The following WDFY2 variants were observed in gnomAD, a reference collection of about 807,000 sequenced individuals.
The protein encoded by WDFY2 is WD repeat and FYVE domain containing 2, also known as WD repeat and FYVE domain-containing protein 2.
A neutral mutation model predicts 56.4 loss-of-function variants in WDFY2; 36 were observed. The ratio of observed to expected loss-of-function variants is 0.64; its 90% CI spans 0.49 to 0.84. The LOEUF is 0.84. WDFY2 is among the 40% of genes least tolerant of loss of function. The probability of loss-of-function intolerance (pLI) is 0.00; values close to 1 mark genes in which losing one functional copy is unlikely to be tolerated. For synonymous variants in WDFY2, 176 were observed against 183.7 expected (o/e 0.96, Z 0.34); for missense variants, 444 against 512.2 (o/e 0.87, Z 1.29).
chr13:51,700,106 GTA>G (rs1165594299), intron 3 of WDFY2, among the ~76,000 whole-genome samples: 2 of 152,134 alleles, frequency 1.3e-5, no homozygotes, highest in Non-Finnish European at 2.9e-5. Flanking sequence ...AACAAAAAAA[GTA>G]TATATGTTCA....
intron 5 of WDFY2, among the ~76,000 whole-genome samples, chr13:51,720,241 TTGAAAC>T (rs1255315728): frequency 6.6e-6 from 1 of 152,240 alleles, no homozygotes; most frequent in Non-Finnish European, 1.5e-5. Context: ...TGCAGTTTCT[TTGAAAC>T]TGTGCGGCAT....
chr13:51,674,124 C>G (rs577427283), intron 2 of WDFY2, among the ~76,000 whole-genome samples: 2 of 152,210 alleles, frequency 1.3e-5, no homozygotes, highest in Admixed American at 6.5e-5. Flanking sequence ...TGAACCTTCT[C>G]CAGTGTTTCC....
intron 3 of WDFY2, among the ~76,000 whole-genome samples, chr13:51,681,536 C>T (rs886976667): frequency 6.6e-6 from 1 of 152,106 alleles, no homozygotes; most frequent in Non-Finnish European, 1.5e-5. Flanking sequence ...TGGTTTCTAC[C>T]ATAGAAGACC....
At position 51,766,549 on chromosome 13, in the gene WDFY2, C is replaced by T. The variant is rs1297514041; in HGVS notation, c.*6780C>T. The stretch of plus-strand genomic sequence containing the variant: ...ACCCCTCCGGCATTTGCCACACTCC[C>T]TGCCAGTCCTGACATTGACTTCCTG... On this transcript the variant is annotated 3_prime_UTR_variant, in exon 12 of 12. Coordinates refer to ENST00000298125, the MANE Select transcript of WDFY2 (RefSeq NM_052950.4). 1 of 152,256 alleles carries T rather than the reference C, an allele frequency of 6.6e-6. No individual in the cohort carries two copies. The highest frequency in any genetic ancestry group is 1.5e-5 in the Non-Finnish European group (1 of 68,070). The allele number at this position is 152,256 out of a possible 1,614,324, so 9.4% of individuals were successfully genotyped here. A position where few individuals can be genotyped will look rare whatever the true frequency, so the allele number is the denominator to read the frequency against.
intron 3 of WDFY2, among the ~76,000 whole-genome samples, chr13:51,686,856 CT>C (rs1266936673): frequency 1.3e-5 from 2 of 150,724 alleles, no homozygotes; most frequent in African/African-American, 2.4e-5. Context: ...ATTAGCCTCT[CT>C]TTTTTTTTCT....
intron 3 of WDFY2, 61 bp from the exon 4 acceptor site, chr13:51,703,535 C>T: frequency 7.7e-7 from 1 of 1,291,078 alleles, no homozygotes; most frequent in Non-Finnish European, 1.1e-6. Flanking sequence ...CTGGTTTTAC[C>T]AAATATAGTC....
intron 3 of WDFY2, among the ~76,000 whole-genome samples, chr13:51,682,720 G>C (rs573956890): frequency 6.6e-6 from 1 of 152,120 alleles, no homozygotes. Flanking sequence ...TCTTAGAACA[G>C]TCCCTGTATG....
intron 1 of WDFY2, chr13:51,591,241 T>C (rs1954038328): frequency 6.6e-6 from 1 of 152,250 alleles, no homozygotes; most frequent in Admixed American, 6.5e-5. Context: ...AAAAGCAGCA[T>C]GCTTGTGTGA....
intron 5 of WDFY2, among the ~76,000 whole-genome samples, chr13:51,725,656 A>G (rs1952587202): frequency 6.6e-6 from 1 of 151,894 alleles, no homozygotes; most frequent in East Asian, 1.9e-4. Context: ...GTATGTATAT[A>G]CATATGTGTG....
chr13:51,609,607 G>GC (rs1217011820), intron 1 of WDFY2, among the ~76,000 whole-genome samples: 2 of 56,620 alleles, frequency 3.5e-5, no homozygotes, highest in Non-Finnish European at 6.3e-5. Context: ...CCCAACCCCC[G>GC]CCCCCCCGCC....
In WDFY2 at chr13:51,759,865, T is replaced by TA. The variant is rs1953525973; in HGVS notation, c.*98dup. On this transcript the variant is annotated 3_prime_UTR_variant, in exon 12 of 12. Transcript: ENST00000298125. ...AGTGGTAAAGCAGACATGTGAGAAGTAAGAAAGAAACTAAAGACCCTGAAT... is the reference window on the plus strand; with the variant it reads ...AGTGGTAAAGCAGACATGTGAGAAGTAAAGAAAGAAACTAAAGACCCTGAAT... The TA allele has an allele frequency of 7.3e-7, 1 of 1,374,560 alleles. No individual in the cohort carries two copies. The highest frequency in any genetic ancestry group is 1.0e-6 in the Non-Finnish European group (1 of 978,802). 85.1% of individuals were successfully genotyped at this position (1,374,560 alleles called of 1,614,324 possible). A position where few individuals can be genotyped will look rare whatever the true frequency, so the allele number is the denominator to read the frequency against.
chr13:51,585,928 T>G (rs1953928655), intron 1 of WDFY2: 1 of 398,122 alleles, frequency 2.5e-6, no homozygotes, highest in East Asian at 3.6e-5. Flanking sequence ...TGTTCATGTC[T>G]TAGGTTCTTC....
intron 5 of WDFY2, among the ~76,000 whole-genome samples, chr13:51,722,567 A>G (rs1952514595): frequency 6.6e-6 from 1 of 152,208 alleles, no homozygotes; most frequent in Admixed American, 6.5e-5. Context: ...TCAGTCTTTT[A>G]CACATTACTT....
At chr13:51,625,174 G>A (rs1180579363) in intron 1 of WDFY2, among the ~76,000 whole-genome samples, 2 of 152,228 alleles carry the variant, frequency 1.3e-5, no homozygotes, top group Non-Finnish European at 2.9e-5. Flanking sequence ...TGACCAAGGT[G>A]ATGTGATGGT....
chr13:51,713,122 C>T (rs779495430), intron 4 of WDFY2, among the ~76,000 whole-genome samples: 4 of 152,124 alleles, frequency 2.6e-5, no homozygotes, highest in Non-Finnish European at 4.4e-5. Flanking sequence ...CCAGCCCATT[C>T]TATTAGATCA....
Position 51,758,194 on chromosome 13 carries a change from G to T in WDFY2, c.1067G>T (p.Arg356Leu), listed in dbSNP as rs368920902. 6.4e-7 allele frequency: 1 copy of T among 1,565,436 alleles called. No individual in the cohort carries two copies. The highest frequency in any genetic ancestry group is 8.7e-7 in the Non-Finnish European group (1 of 1,144,346). ...GAAGCTTTCTTTGCTCCTTCTAGACGTGCACCCACAGCCACCTTCCATGAC... is the reference window on the plus strand; with the variant it reads ...GAAGCTTTCTTTGCTCCTTCTAGACTTGCACCCACAGCCACCTTCCATGAC... ...SCHEAITDEE[R>L]APTATFHDSK... The change falls in exon 11 of 12, where the codon CGT becomes CTT. Residue 356 changes from arginine (R) to leucine (L), a missense_variant and splice_region_variant. Transcript: ENST00000298125.
chr13:51,662,817 A>G (rs1257839069), intron 2 of WDFY2, among the ~76,000 whole-genome samples: 1 of 152,214 alleles, frequency 6.6e-6, no homozygotes, highest in Non-Finnish European at 1.5e-5. Context: ...ACTTTGAGAA[A>G]GAGGACCTTG....
At chr13:51,643,995 A>G (rs1331915463) in intron 1 of WDFY2, among the ~76,000 whole-genome samples, 2 of 152,184 alleles carry the variant, frequency 1.3e-5, no homozygotes, top group Non-Finnish European at 2.9e-5. Flanking sequence ...GATTAATGTG[A>G]TGTGTCCTAA....
intron 4 of WDFY2, among the ~76,000 whole-genome samples, chr13:51,713,397 A>G (rs1952268374): frequency 6.6e-6 from 1 of 152,254 alleles, no homozygotes; most frequent in Non-Finnish European, 1.5e-5. Flanking sequence ...ACCCATGTTC[A>G]TAGCAGCATT....
Sources: gnomAD v4.1 joint callset for allele counts (sites outside exome capture counted in the v4.1 genomes callset) on GRCh38, gnomAD v4.1.1 for gene constraint, MANE v1.5 for transcripts, NCBI Gene and HGNC (gene_info 2026-07-23, HGNC 2026-07-21) for gene names.